The following FTCDNL1 variants were observed in gnomAD, a reference collection of about 807,000 sequenced individuals.
FTCDNL1 encodes formiminotransferase cyclodeaminase N-terminal like, also known as formiminotransferase N-terminal subdomain-containing protein.
FTCDNL1 carries 11 observed loss-of-function variants against 5.9 expected under a neutral mutation model. The ratio of observed to expected loss-of-function variants is 1.87; its 90% CI spans 1.18 to 3.10. The LOEUF is 3.10. Among genes scored for constraint, FTCDNL1 ranks in the 30% most tolerant of loss-of-function variants. The pLI is 0.00. For synonymous variants in FTCDNL1, 58 were observed against 24.8 expected (o/e 2.34, Z -3.99); for missense variants, 115 against 65.5 (o/e 1.76, Z -2.61).
At chr2:199,822,609 A>T (rs1701768463) in intron 3 of FTCDNL1, among the ~76,000 whole-genome samples, 1 of 152,152 alleles carries the variant, frequency 6.6e-6, no homozygotes, top group South Asian at 2.1e-4. Context: ...TTTCACGAAA[A>T]TTTCTCTGTA....
the FTCDNL1 span, among the ~76,000 whole-genome samples, chr2:199,686,640 G>T: frequency 6.6e-6 from 1 of 152,120 alleles, no homozygotes; most frequent in Non-Finnish European, 1.5e-5. Context: ...TTGATATACA[G>T]AAGTGAAATA....
At chr2:199,835,891 G>C (rs1702700859) in intron 3 of FTCDNL1, among the ~76,000 whole-genome samples, 1 of 152,180 alleles carries the variant, frequency 6.6e-6, no homozygotes, top group African/African-American at 2.4e-5. Flanking sequence ...GCCCCCTGGG[G>C]CTCCCTTTGT....
chr2:199,732,744 G>T, the FTCDNL1 span, among the ~76,000 whole-genome samples: 1 of 152,058 alleles, frequency 6.6e-6, no homozygotes, highest in Admixed American at 6.5e-5. Flanking sequence ...AAAGGAAAAG[G>T]TCTCAAATAA....
chr2:199,669,962 G>GT, the FTCDNL1 span, among the ~76,000 whole-genome samples: 32 of 152,214 alleles, frequency 2.1e-4, no homozygotes, highest in Non-Finnish European at 4.1e-4. Flanking sequence ...GAAACAATGA[G>GT]TTTTTTCCTA....
chr2:199,703,119 T>C, the FTCDNL1 span, among the ~76,000 whole-genome samples: 1 of 152,264 alleles, frequency 6.6e-6, no homozygotes, highest in South Asian at 2.1e-4. Context: ...GTTAGTTACA[T>C]ATGTATACAT....
the FTCDNL1 span, among the ~76,000 whole-genome samples, chr2:199,699,241 C>T: frequency 6.6e-6 from 1 of 152,172 alleles, no homozygotes; most frequent in African/African-American, 2.4e-5. Context: ...TCAAGGCAAG[C>T]AGATCACTTG....
chr2:199,841,316 G>A (rs1226522882), intron 3 of FTCDNL1, among the ~76,000 whole-genome samples: 1 of 152,064 alleles, frequency 6.6e-6, no homozygotes, highest in Non-Finnish European at 1.5e-5. Flanking sequence ...GAACACAGGA[G>A]GCGGGGTTTG....
At chr2:199,706,857 C>A in the FTCDNL1 span, among the ~76,000 whole-genome samples, 3 of 152,164 alleles carry the variant, frequency 2.0e-5, no homozygotes, top group Non-Finnish European at 2.9e-5. Flanking sequence ...CATCTGTAAT[C>A]CAAGCTCAGG....
chr2:199,731,702 A>G, the FTCDNL1 span, among the ~76,000 whole-genome samples: 18 of 152,110 alleles, frequency 1.2e-4, no homozygotes, highest in Admixed American at 7.9e-4. Flanking sequence ...TCCCAGCTAA[A>G]ACGGTGAAAC....
chr2:199,851,147 C>T lies in FTCDNL1; in HGVS notation c.-415G>A, dbSNP rs545485827. On this transcript the variant is annotated 5_prime_UTR_variant, in exon 1 of 5. Transcript: ENST00000420128. ...CCGCCGCGCGTGGCCCGCGCGCAGC[C>T]TCCGCCGCCGCGCGTGGCCCGCGCG... The T allele has an allele frequency of 8.7e-5, 12 of 137,614 alleles. No homozygotes were observed. Among genetic ancestry groups the T allele is most frequent in the Non-Finnish European group, 6.1e-5 (4 of 65,310 alleles). The allele number at this position is 137,614 out of a possible 1,614,324, so 8.5% of individuals were successfully genotyped here. A position where few individuals can be genotyped will look rare whatever the true frequency, so the allele number is the denominator to read the frequency against.
chr2:199,838,509 G>T (rs1014966468), intron 3 of FTCDNL1, among the ~76,000 whole-genome samples: 9 of 152,168 alleles, frequency 5.9e-5, no homozygotes, highest in Non-Finnish European at 1.3e-4. Context: ...CAATCGCACT[G>T]GAAGCTGCAG....
intron 3 of FTCDNL1, among the ~76,000 whole-genome samples, chr2:199,776,671 G>A (rs923479724): frequency 6.6e-6 from 1 of 152,264 alleles, no homozygotes; most frequent in East Asian, 1.9e-4. Context: ...AGGTGTGGTA[G>A]ACACTCCGTA....
the FTCDNL1 span, among the ~76,000 whole-genome samples, chr2:199,751,885 T>A: frequency 6.6e-6 from 1 of 152,010 alleles, no homozygotes; most frequent in Admixed American, 6.6e-5. Flanking sequence ...AATCAGGATT[T>A]TTTTTTTATG....
the FTCDNL1 span, among the ~76,000 whole-genome samples, chr2:199,683,715 A>T: frequency 1.3e-5 from 2 of 152,138 alleles, no homozygotes; most frequent in Non-Finnish European, 2.9e-5. Flanking sequence ...TTACGAACTC[A>T]TAAGATAATA....
downstream of FTCDNL1, among the ~76,000 whole-genome samples, chr2:199,806,931 T>C (rs1041445193): frequency 1.3e-5 from 2 of 152,194 alleles, no homozygotes; most frequent in African/African-American, 2.4e-5. Context: ...CTCTTCACAG[T>C]TGGTGAAAGG....
chr2:199,776,741 A>G (rs980866462), intron 3 of FTCDNL1, among the ~76,000 whole-genome samples: 5 of 152,140 alleles, frequency 3.3e-5, no homozygotes, highest in African/African-American at 1.2e-4. Flanking sequence ...GATTCCACAT[A>G]CAACACTAAA....
chr2:199,822,033 T>A (rs184268205), intron 3 of FTCDNL1, among the ~76,000 whole-genome samples: 1 of 152,320 alleles, frequency 6.6e-6, no homozygotes, highest in African/African-American at 2.4e-5. Flanking sequence ...AAAAGTTATG[T>A]TTATATTATA....
chr2:199,727,665 G>C, the FTCDNL1 span, among the ~76,000 whole-genome samples: 1 of 151,972 alleles, frequency 6.6e-6, no homozygotes, highest in African/African-American at 2.4e-5. Flanking sequence ...TGCTGTTTTT[G>C]TTCTCAGTGG....
the FTCDNL1 span, among the ~76,000 whole-genome samples, chr2:199,685,206 C>A: frequency 5.9e-3 from 896 of 152,200 alleles, 3 homozygotes; most frequent in Non-Finnish European, 0.01. Context: ...TGCAATGGAA[C>A]CTCTGAGACA....
Sources: allele counts gnomAD v4.1 joint callset (sites outside exome capture counted in the v4.1 genomes callset), GRCh38; gene constraint gnomAD v4.1.1; transcripts MANE v1.5; gene names NCBI Gene and HGNC (gene_info 2026-07-23, HGNC 2026-07-21).